The following MET variants were observed in gnomAD, a reference collection of about 807,000 sequenced individuals.
The protein encoded by MET is hepatocyte growth factor receptor.
In MET, 48 loss-of-function variants were observed where a neutral mutation model predicts 133.1. That is an observed-to-expected ratio of 0.36 (90% CI 0.29 to 0.46). The LOEUF is 0.46. MET is among the 20% of genes least tolerant of loss of function. The probability of loss-of-function intolerance (pLI) is 1.00; values close to 1 mark genes in which losing one functional copy is unlikely to be tolerated. For synonymous variants in MET, 628 were observed against 616.5 expected, an observed-to-expected ratio of 1.02 and a Z score of -0.28; for missense variants, 1,442 against 1,695.9, an observed-to-expected ratio of 0.85 and a Z score of 2.63.
At chr7:116,730,697 G>A (rs1792969976) in intron 2 of MET, among the ~76,000 whole-genome samples, 1 of 152,190 alleles carries the variant, frequency 6.6e-6, no homozygotes, top group Admixed American at 6.5e-5. Flanking sequence ...AGGAATTGGA[G>A]ATGACACTTA....
chr7:116,723,799 G>C (rs1792607444), intron 2 of MET, among the ~76,000 whole-genome samples: 1 of 152,176 alleles, frequency 6.6e-6, no homozygotes, highest in South Asian at 2.1e-4. Flanking sequence ...CTGCTCGGGG[G>C]TCAGGGGTCA....
At chr7:116,735,148 A>G (rs181089956) in intron 3 of MET, among the ~76,000 whole-genome samples, 37 of 152,248 alleles carry the variant, frequency 2.4e-4, no homozygotes, top group African/African-American at 7.7e-4. Context: ...CCTGCTCCCA[A>G]TGGCCACAGC....
Position 116,773,639 on chromosome 7 carries a change from C to T in MET, c.3029-1242C>T, listed in dbSNP as rs1393311156. Among the ~76,000 whole-genome samples, 9 of 152,174 alleles carry T rather than the reference C, an allele frequency of 5.9e-5. No homozygotes were observed. In the East Asian group the frequency reaches 9.6e-4, roughly 16 times the overall value. On this transcript the variant is annotated intron_variant, in intron 14 of 20. Coordinates refer to ENST00000397752, the MANE Select transcript of MET (RefSeq NM_000245.4). ...AAGGGAGCAAGTACCCAGCTAGGCT[C>T]CTTCCTTCCTCACTCACCCAACATT...
In MET at chr7:116,694,162, G is replaced by A. The variant is rs369026988; in HGVS notation, c.-14-4909G>A. ...CCTTTCCTTAGGAAGGACACAAAACGTTTCCCAGAAAAGATCTGATCTGAC... is the reference window on the plus strand; with the variant it reads ...CCTTTCCTTAGGAAGGACACAAAACATTTCCCAGAAAAGATCTGATCTGAC... On this transcript the variant is annotated intron_variant, in intron 1 of 20. Coordinates refer to ENST00000397752, the MANE Select transcript of MET (RefSeq NM_000245.4). Among the ~76,000 whole-genome samples the A allele has an allele frequency of 4.3e-4, 65 of 152,168 alleles. 1 individual carries two copies. The East Asian group carries it at 0.011, about 25-fold the overall frequency.
intron 19 of MET, among the ~76,000 whole-genome samples, chr7:116,784,210 G>C (rs1795236591): frequency 1.3e-5 from 2 of 152,318 alleles, no homozygotes; most frequent in South Asian, 2.1e-4. Flanking sequence ...AGAACACAGA[G>C]AGGGAAGTTA....
intron 19 of MET, among the ~76,000 whole-genome samples, chr7:116,795,313 A>C (rs995040442): frequency 6.6e-6 from 1 of 152,194 alleles, no homozygotes; most frequent in African/African-American, 2.4e-5. Context: ...ATTGTAGTGA[A>C]GCTATTGGAA....
At position 116,795,640 on chromosome 7, in the gene MET, T is replaced by G. The variant is rs1297603367; in HGVS notation, c.3799-15T>G. 1 of 1,613,470 alleles carries G rather than the reference T, an allele frequency of 6.2e-7. No homozygotes were observed. The highest frequency in any genetic ancestry group is 2.2e-5 in the East Asian group (1 of 44,890). On this transcript the variant is annotated splice_polypyrimidine_tract_variant and intron_variant, in intron 19 of 20. Transcript: ENST00000397752. ...ACATCTCTCACCTCATCTGTCCTGT[T>G]TCTTGTTTTACTAGTGGTCCTTTGG...
rs1043327639 is a variant in MET, at chr7:116,705,786, T to C, written c.1200+5502T>C. Among the ~76,000 whole-genome samples, 4 of 152,102 alleles carry C rather than the reference T, an allele frequency of 2.6e-5. No homozygotes were observed. The South Asian group carries it at 8.3e-4, about 32-fold the overall frequency. On this transcript the variant is annotated intron_variant, in intron 2 of 20. Coordinates refer to ENST00000397752, the MANE Select transcript of MET (RefSeq NM_000245.4). The stretch of plus-strand genomic sequence containing the variant: ...TTCATCCTCTCATAGGCTCAGGGAG[T>C]CACTGCTTCCTAACTTCTTTATTTT...
At chr7:116,764,491 G>T (rs1000302339) in intron 11 of MET, among the ~76,000 whole-genome samples, 2 of 151,770 alleles carry the variant, frequency 1.3e-5, no homozygotes, top group Non-Finnish European at 2.9e-5. Flanking sequence ...GATAACAAAG[G>T]TTTATGTGCA....
chr7:116,731,923 G>A (rs376127365), intron 3 of MET, 64 bp downstream of exon 3: 186 of 1,537,482 alleles, frequency 1.2e-4, no homozygotes, highest in Non-Finnish European at 1.5e-4. Flanking sequence ...ATTTGTTTTC[G>A]TTTTTGCAGT....
chr7:116,714,258 T>C (rs1182144251), intron 2 of MET, among the ~76,000 whole-genome samples: 2 of 152,230 alleles, frequency 1.3e-5, no homozygotes, highest in Non-Finnish European at 2.9e-5. Flanking sequence ...TAGAATTGAT[T>C]CTTTTGAATT....
intron 1 of MET, among the ~76,000 whole-genome samples, chr7:116,674,229 G>A (rs1796074224): frequency 6.6e-6 from 1 of 152,124 alleles, no homozygotes; most frequent in African/African-American, 2.4e-5. Flanking sequence ...TTAGTTGATG[G>A]AGTTTATCTT....
chr7:116,728,836 C>T (rs1792889530), intron 2 of MET, among the ~76,000 whole-genome samples: 1 of 152,132 alleles, frequency 6.6e-6, no homozygotes, highest in Non-Finnish European at 1.5e-5. Flanking sequence ...TTTTATATCC[C>T]AGTGAATCCA....
At chr7:116,704,347 T>C (rs1319341405) in intron 2 of MET, among the ~76,000 whole-genome samples, 2 of 152,114 alleles carry the variant, frequency 1.3e-5, no homozygotes, top group Non-Finnish European at 2.9e-5. Flanking sequence ...TGGATGGCCA[T>C]GAAAGCATTA....
chr7:116,788,925 C>T (rs994481142), intron 19 of MET, among the ~76,000 whole-genome samples: 9 of 152,192 alleles, frequency 5.9e-5, no homozygotes, highest in Non-Finnish European at 1.0e-4. Flanking sequence ...CTGGAAATCA[C>T]TCACACCCTC....
rs2116825489 is a variant in MET, at chr7:116,739,947, T to C, written c.1393-3T>C. 1 of 1,614,074 alleles carries C rather than the reference T, an allele frequency of 6.2e-7. No individual in the cohort carries two copies. Among genetic ancestry groups the C allele is most frequent in the East Asian group, 2.2e-5 (1 of 44,874 alleles). ...AGGATGTTATAACTTTTTTGCTGTT[T>C]AGGTTGTGGTTTCTCGATCAGGACC... On this transcript the variant is annotated splice_polypyrimidine_tract_variant and splice_region_variant and intron_variant, in intron 3 of 20. Transcript: ENST00000397752.
chr7:116,732,775 G>C (rs1050949595), intron 3 of MET, among the ~76,000 whole-genome samples: 1 of 152,086 alleles, frequency 6.6e-6, no homozygotes, highest in African/African-American at 2.4e-5. Flanking sequence ...TCCTATATGT[G>C]TATTCTTCTA....
chr7:116,707,875 G>C (rs577968756), intron 2 of MET, among the ~76,000 whole-genome samples: 2 of 152,200 alleles, frequency 1.3e-5, no homozygotes, highest in African/African-American at 4.8e-5. Flanking sequence ...TTACCTGCTT[G>C]TTCTTTCATC....
At chr7:116,773,596 C>T (rs1419921839) in intron 14 of MET, among the ~76,000 whole-genome samples, 2 of 152,178 alleles carry the variant, frequency 1.3e-5, no homozygotes, top group Non-Finnish European at 2.9e-5. Context: ...GGTTTAGAGA[C>T]CCTGACTCCT....
Sources: allele counts gnomAD v4.1 joint callset (sites outside exome capture counted in the v4.1 genomes callset), GRCh38; gene constraint gnomAD v4.1.1; transcripts MANE v1.5; gene names NCBI Gene and HGNC (gene_info 2026-07-23, HGNC 2026-07-21).